ALPK1: variants seen among roughly 807,000 people sequenced by gnomAD.
ALPK1 encodes alpha-protein kinase 1.
Under a neutral mutation model 120.6 loss-of-function variants are expected in ALPK1, and 110 were observed. The ratio of observed to expected loss-of-function variants is 0.91; its 90% CI spans 0.78 to 1.07. The LOEUF (loss-of-function observed/expected upper bound fraction) is 1.07. Among genes scored for constraint, ALPK1 ranks in the 50% least tolerant of loss-of-function variants. The pLI, the probability that ALPK1 is intolerant of heterozygous loss-of-function variation, is 0.00. For synonymous variants in ALPK1, 582 were observed against 560.3 expected (o/e 1.04, Z -0.55); for missense variants, 1,498 against 1,483.9 (o/e 1.01, Z -0.16).
chr4:112,438,837 C>G (rs954261641), intron 13 of ALPK1, among the ~76,000 whole-genome samples, 191 bp downstream of exon 13: 1 of 152,184 alleles, frequency 6.6e-6, no homozygotes, highest in African/African-American at 2.4e-5. Flanking sequence ...CAACATGATA[C>G]ATAAATCCCA....
intron 2 of ALPK1, among the ~76,000 whole-genome samples, chr4:112,349,130 C>T (rs1218277663): frequency 6.6e-6 from 1 of 151,938 alleles, no homozygotes; most frequent in East Asian, 1.9e-4. Flanking sequence ...GTGGTCATAA[C>T]ATTTCAATTA....
intron 4 of ALPK1, among the ~76,000 whole-genome samples, chr4:112,403,130 C>T (rs1732996854): frequency 6.6e-6 from 1 of 152,028 alleles, no homozygotes; most frequent in African/African-American, 2.4e-5. Context: ...TGTAGGGAAA[C>T]TCTTTAGCAT....
chr4:112,353,619 G>A (rs1364524317), intron 2 of ALPK1, among the ~76,000 whole-genome samples: 1 of 152,118 alleles, frequency 6.6e-6, no homozygotes, highest in African/African-American at 2.4e-5. Flanking sequence ...TGTAATCTCA[G>A]CACTTTGGGA....
intron 2 of ALPK1, chr4:112,358,270 G>A: frequency 1.7e-6 from 1 of 590,814 alleles, no homozygotes; most frequent in Non-Finnish European, 3.2e-6. Flanking sequence ...TGCCCTCCTG[G>A]GTGCGTCCCT....
chr4:112,441,193 C>G lies in ALPK1; in HGVS notation c.3728-10C>G. The G allele has an allele frequency of 6.2e-6, 10 of 1,608,536 alleles. No individual in the cohort carries two copies. Among genetic ancestry groups the G allele is most frequent in the East Asian group, 4.5e-5 (2 of 44,860 alleles). ...GTGATGCTCGCAAATATCTGGTTCT[C>G]TCCTTCCAGGCACATAGAATACGGC... is the stretch of plus-strand genomic sequence containing the variant. On this transcript the variant is annotated splice_polypyrimidine_tract_variant and intron_variant, in intron 15 of 15. Coordinates refer to ENST00000650871, the MANE Select transcript of ALPK1 (RefSeq NM_025144.4).
intron 2 of ALPK1, among the ~76,000 whole-genome samples, chr4:112,324,675 G>A (rs778213492): frequency 1.5e-4 from 23 of 151,958 alleles, no homozygotes; most frequent in Admixed American, 3.3e-4. Context: ...TAAGGTTCTC[G>A]CTATGTGCCC....
intron 14 of ALPK1, 26 bp downstream of exon 14, chr4:112,439,898 A>T: frequency 6.6e-7 from 1 of 1,524,988 alleles, no homozygotes; most frequent in Non-Finnish European, 8.8e-7. Flanking sequence ...AATTATTTTT[A>T]TTTTTAATAT....
chr4:112,342,957 C>T (rs892383994), intron 2 of ALPK1: 2 of 152,412 alleles, frequency 1.3e-5, no homozygotes, highest in Non-Finnish European at 2.9e-5. Flanking sequence ...CTCCTGATTC[C>T]TCCTGGTACA....
Position 112,431,927 on chromosome 4 carries a change from A to G in ALPK1, c.2380A>G (p.Ser794Gly), listed in dbSNP as rs1467141335. 2 of 1,614,090 alleles carry G rather than the reference A, an allele frequency of 1.2e-6. No homozygotes were observed. Among genetic ancestry groups the G allele is most frequent in the Admixed American group, 3.3e-5 (2 of 60,036 alleles). The change falls in exon 11 of 16, where the codon AGC (serine) becomes GGC (glycine). Residue 794 changes from serine to glycine, a missense_variant. By Grantham distance (56) the Ser-to-Gly change is moderately conservative (BLOSUM62 0). Coordinates refer to ENST00000650871, the MANE Select transcript of ALPK1 (RefSeq NM_025144.4). ...WVDPEGETAE[S>G]TEDAPLDFHR... ...TGACCCAGAAGGAGAAACAGCAGAA[A>G]GCACTGAAGATGCACCCTTAGACTT...
intron 4 of ALPK1, among the ~76,000 whole-genome samples, chr4:112,398,036 G>T (rs2148739010): frequency 6.6e-6 from 1 of 152,260 alleles, no homozygotes; most frequent in South Asian, 2.1e-4. Flanking sequence ...ACTCTAATAT[G>T]ATTGTAGAGG....
At chr4:112,391,988 G>C (rs1296357210) in intron 4 of ALPK1, among the ~76,000 whole-genome samples, 2 of 152,042 alleles carry the variant, frequency 1.3e-5, no homozygotes, top group African/African-American at 4.8e-5. Context: ...AACAGAATTT[G>C]TTCAATGGAA....
At position 112,382,660 on chromosome 4, in the gene ALPK1, C is replaced by G. The variant is rs571749617; in HGVS notation, c.276+108C>G. 2.0e-6 allele frequency: 3 copies of G among 1,465,016 alleles called. No individual in the cohort carries two copies. In the African/African-American group the frequency reaches 4.2e-5, roughly 20 times the overall value. The allele number at this position is 1,465,016 out of a possible 1,614,324, so 90.8% of individuals were successfully genotyped here. A position where few individuals can be genotyped will look rare whatever the true frequency, so the allele number is the denominator to read the frequency against. ...TTTGAAGCACAAGACAGCCCCCTAC[C>G]CTTATGCTCAGCTCTGCCAGATTGA... On this transcript the variant is annotated intron_variant, in intron 4 of 15. Transcript: ENST00000650871.
chr4:112,367,882 C>T (rs890300639), intron 2 of ALPK1, among the ~76,000 whole-genome samples: 2 of 152,130 alleles, frequency 1.3e-5, no homozygotes, highest in African/African-American at 4.8e-5. Flanking sequence ...TTCAAAAATT[C>T]TATCTTCAGC....
At chr4:112,403,205 G>A (rs576475704) in intron 4 of ALPK1, among the ~76,000 whole-genome samples, 8 of 130,240 alleles carry the variant, frequency 6.1e-5, no homozygotes, top group African/African-American at 1.5e-4. Context: ...AGTGCCCCCC[G>A]CCCCCTCCCC....
chr4:112,320,850 A>T (rs1728836361), intron 2 of ALPK1, among the ~76,000 whole-genome samples: 1 of 148,208 alleles, frequency 6.7e-6, no homozygotes. Context: ...GCCTTGAATG[A>T]TCTTTTGTAT....
At chr4:112,336,704 T>G (rs1578476202) in intron 2 of ALPK1, among the ~76,000 whole-genome samples, 1 of 152,350 alleles carries the variant, frequency 6.6e-6, no homozygotes, top group East Asian at 1.9e-4. Context: ...GTTATCTTTT[T>G]TGTTCATGGT....
At chr4:112,392,412 T>G (rs1230385840) in intron 4 of ALPK1, among the ~76,000 whole-genome samples, 2 of 152,254 alleles carry the variant, frequency 1.3e-5, no homozygotes, top group Non-Finnish European at 2.9e-5. Context: ...AAACACATTT[T>G]CCTTTCCCTA....
chr4:112,378,526 A>G (rs1264686643), intron 3 of ALPK1, among the ~76,000 whole-genome samples: 2 of 152,092 alleles, frequency 1.3e-5, no homozygotes, highest in Non-Finnish European at 2.9e-5. Context: ...CACAAAGTCT[A>G]GAAAGTTAAA....
chr4:112,423,532 C>T (rs1353321892), intron 5 of ALPK1, among the ~76,000 whole-genome samples: 1 of 152,180 alleles, frequency 6.6e-6, no homozygotes, highest in Non-Finnish European at 1.5e-5. Context: ...AGAATCTCCT[C>T]ACTCCCCACC....
Sources: gnomAD v4.1 joint callset for allele counts (sites outside exome capture counted in the v4.1 genomes callset) on GRCh38, gnomAD v4.1.1 for gene constraint, MANE v1.5 for transcripts, NCBI Gene and HGNC (gene_info 2026-07-23, HGNC 2026-07-21) for gene names.